The following RAPGEF5 variants were observed in gnomAD, a reference collection of about 807,000 sequenced individuals.
The protein encoded by RAPGEF5 is Rap guanine nucleotide exchange factor 5, also known as M-Ras-regulated GEF.
RAPGEF5 carries 65 observed loss-of-function variants against 125.2 expected under a neutral mutation model. The observed-to-expected ratio is 0.52, with a 90% CI of 0.43 to 0.64. The LOEUF (loss-of-function observed/expected upper bound fraction) is 0.64. RAPGEF5 is among the 30% of genes least tolerant of loss of function. The probability of loss-of-function intolerance (pLI) is 0.00; values close to 1 mark genes in which losing one functional copy is unlikely to be tolerated. For missense variants in RAPGEF5, 958 were observed against 1,048.1 expected, an observed-to-expected ratio of 0.91 and a Z score of 1.19; for synonymous variants, 391 against 385.9, an observed-to-expected ratio of 1.01 and a Z score of -0.16.
chr7:22,334,598 C>T (rs1265231487), intron 1 of RAPGEF5, among the ~76,000 whole-genome samples: 1 of 152,236 alleles, frequency 6.6e-6, no homozygotes, highest in African/African-American at 2.4e-5. Flanking sequence ...TATTTAGCAG[C>T]ACTGCCAACA....
rs572813065 is a variant in RAPGEF5 at position 22,347,270 on chromosome 7, A to G, written c.231+9560T>C. On this transcript the variant is annotated intron_variant, in intron 1 of 25. Transcript: ENST00000665637. ...TTACCTAAGCAATATCAGTGTTCAT[A>G]TAGATTGTTAATATAATCTTAATTT... Among the ~76,000 whole-genome samples the G allele has an allele frequency of 8.9e-4, 135 of 152,306 alleles. No individual in the cohort carries two copies. The South Asian group carries it at 0.027, about 31-fold the overall frequency.
chr7:22,295,223 T>C (rs772271958), intron 5 of RAPGEF5, among the ~76,000 whole-genome samples: 3 of 152,168 alleles, frequency 2.0e-5, no homozygotes, highest in African/African-American at 4.8e-5. Context: ...AATACAAACA[T>C]TGTTCACCTT....
At chr7:22,347,612 G>C (rs17146709) in intron 1 of RAPGEF5, among the ~76,000 whole-genome samples, 29,683 of 152,106 alleles carry the variant, frequency 0.2, 2,986 homozygotes, top group Non-Finnish European at 0.2. Flanking sequence ...CTTATTTAGA[G>C]AGAGGATGCA....
Position 22,315,491 on chromosome 7 carries a change from C to G in RAPGEF5, c.283-15G>C. On this transcript the variant is annotated splice_polypyrimidine_tract_variant and intron_variant, in intron 2 of 25. Coordinates refer to ENST00000665637, the MANE Select transcript of RAPGEF5 (RefSeq NM_012294.5). ...TCTCCATAAATCTAAATGGAAAAGA[C>G]AGTCACTGTAAATATAGAACAATAA... 1 of 1,452,732 alleles carries G rather than the reference C, an allele frequency of 6.9e-7. No individual in the cohort carries two copies. 90.0% of individuals were successfully genotyped at this position (1,452,732 alleles called of 1,614,324 possible). A position where few individuals can be genotyped will look rare whatever the true frequency, so the allele number is the denominator to read the frequency against.
chr7:22,139,947 G>A (rs1783204233), intron 21 of RAPGEF5, 78 bp downstream of exon 21: 2 of 1,261,438 alleles, frequency 1.6e-6, no homozygotes, highest in South Asian at 2.6e-5. Flanking sequence ...TAGTTTAGTA[G>A]TACTTATCTC....
intron 8 of RAPGEF5, among the ~76,000 whole-genome samples, chr7:22,220,546 G>A (rs972832666): frequency 6.6e-6 from 1 of 152,116 alleles, no homozygotes. Flanking sequence ...CACTAATAGT[G>A]CATAAAAGAT....
At chr7:22,341,309 A>T (rs1470645744) in intron 1 of RAPGEF5, among the ~76,000 whole-genome samples, 1 of 152,260 alleles carries the variant, frequency 6.6e-6, no homozygotes, top group Non-Finnish European at 1.5e-5. Context: ...CACAGGAAAG[A>T]TCTGCCCTGT....
intron 7 of RAPGEF5, among the ~76,000 whole-genome samples, chr7:22,264,721 T>G (rs1477250696): frequency 6.6e-6 from 1 of 152,190 alleles, no homozygotes; most frequent in Non-Finnish European, 1.5e-5. Flanking sequence ...GGCTTTCCAA[T>G]CCCACTCTGT....
chr7:22,344,633 G>T (rs1489051309), intron 1 of RAPGEF5, among the ~76,000 whole-genome samples: 1 of 152,228 alleles, frequency 6.6e-6, no homozygotes, highest in Non-Finnish European at 1.5e-5. Context: ...TCCTGGTGAT[G>T]AACATCCACA....
At chr7:22,179,663 A>T (rs556434047) in intron 11 of RAPGEF5, among the ~76,000 whole-genome samples, 1 of 151,786 alleles carries the variant, frequency 6.6e-6, no homozygotes, top group Non-Finnish European at 1.5e-5. Flanking sequence ...TGATAAAACA[A>T]CATGTGGTAA....
chr7:22,251,224 GAGA>G (rs1216001991), intron 7 of RAPGEF5, among the ~76,000 whole-genome samples: 2 of 152,244 alleles, frequency 1.3e-5, no homozygotes, highest in South Asian at 2.1e-4. Context: ...GTACCTTACA[GAGA>G]AGCAGTCACA....
At chr7:22,234,613 A>C (rs1786140195) in intron 7 of RAPGEF5, among the ~76,000 whole-genome samples, 1 of 152,198 alleles carries the variant, frequency 6.6e-6, no homozygotes, top group African/African-American at 2.4e-5. Context: ...CAGGAGAACT[A>C]AGCATGTATG....
intron 11 of RAPGEF5, among the ~76,000 whole-genome samples, chr7:22,171,024 G>GTT (rs574602699): frequency 4.9e-5 from 7 of 143,928 alleles, no homozygotes; most frequent in African/African-American, 5.1e-5. Flanking sequence ...CAGCATTCAT[G>GTT]TTTTTTTTTT....
chr7:22,207,204 CTGATT>C (rs1451880424), intron 9 of RAPGEF5, among the ~76,000 whole-genome samples: 1 of 152,160 alleles, frequency 6.6e-6, no homozygotes, highest in Admixed American at 6.5e-5. Flanking sequence ...TCATATATTG[CTGATT>C]TAAGTAAAAA....
At chr7:22,337,271 T>C (rs1333927312) in intron 1 of RAPGEF5, among the ~76,000 whole-genome samples, 1 of 152,204 alleles carries the variant, frequency 6.6e-6, no homozygotes, top group Non-Finnish European at 1.5e-5. Flanking sequence ...CCTCTAGTGC[T>C]GACTCTGCTT....
intron 8 of RAPGEF5, among the ~76,000 whole-genome samples, chr7:22,226,688 C>T (rs1354073630): frequency 6.6e-6 from 1 of 152,218 alleles, no homozygotes; most frequent in East Asian, 1.9e-4. Flanking sequence ...GTATGGGCCT[C>T]GAACACCATG....
At chr7:22,309,410 T>C (rs1181918748) in intron 4 of RAPGEF5, among the ~76,000 whole-genome samples, 1 of 152,194 alleles carries the variant, frequency 6.6e-6, no homozygotes, top group South Asian at 2.1e-4. Context: ...GCTAAATAAA[T>C]AATCCAGATT....
intron 11 of RAPGEF5, among the ~76,000 whole-genome samples, chr7:22,169,742 C>T (rs917427591): frequency 1.3e-5 from 2 of 149,892 alleles, no homozygotes; most frequent in South Asian, 4.3e-4. Context: ...TGCCTATAAT[C>T]CCAGCTACTC....
In RAPGEF5 at chr7:22,301,856, G is replaced by T. The variant is rs1467781724; in HGVS notation, c.680+6483C>A. On this transcript the variant is annotated intron_variant, in intron 5 of 25. Transcript: ENST00000665637. ...TTTCATTTCTCAGGAAATAATTTTG[G>T]TTTTTTTCCCACAGCTTCAGAACCT... Among the ~76,000 whole-genome samples the T allele has an allele frequency of 5.3e-5, 8 of 151,988 alleles. No individual in the cohort carries two copies. The South Asian group carries it at 6.2e-4, about 12-fold the overall frequency.
Sources: allele counts gnomAD v4.1 joint callset (sites outside exome capture counted in the v4.1 genomes callset), GRCh38; gene constraint gnomAD v4.1.1; transcripts MANE v1.5; gene names NCBI Gene and HGNC (gene_info 2026-07-23, HGNC 2026-07-21).